CACNA2D2: variants seen among roughly 807,000 people sequenced by gnomAD.
CACNA2D2 encodes voltage-dependent calcium channel subunit alpha-2/delta-2.
A neutral mutation model predicts 166.4 loss-of-function variants in CACNA2D2; 48 were observed. The observed-to-expected ratio is 0.29, with a 90% CI of 0.23 to 0.37. CACNA2D2 has a LOEUF of 0.37. CACNA2D2 is among the 10% of genes least tolerant of loss of function. CACNA2D2 has a pLI of 1.00. For synonymous variants in CACNA2D2, 561 were observed against 573.7 expected (o/e 0.98, Z 0.32); for missense variants, 1,122 against 1,433.0 (o/e 0.78, Z 3.50).
At chr3:50,438,507 T>C (rs1708448457) in intron 2 of CACNA2D2, among the ~76,000 whole-genome samples, 1 of 152,100 alleles carries the variant, frequency 6.6e-6, no homozygotes, top group Admixed American at 6.5e-5. Context: ...TCCGTGTAAG[T>C]GGGAGGCGAG....
At chr3:50,396,550 C>T (rs1706164354) in intron 3 of CACNA2D2, among the ~76,000 whole-genome samples, 1 of 152,168 alleles carries the variant, frequency 6.6e-6, no homozygotes, top group African/African-American at 2.4e-5. Context: ...ACCCCAAACC[C>T]AGGGATGGAT....
chr3:50,439,262 G>A (rs1168355957), intron 2 of CACNA2D2, among the ~76,000 whole-genome samples: 2 of 152,216 alleles, frequency 1.3e-5, no homozygotes, highest in Non-Finnish European at 2.9e-5. Context: ...CATGCTGGAG[G>A]GGAATGAGGG....
chr3:50,488,981 T>C (rs976454413), intron 1 of CACNA2D2, among the ~76,000 whole-genome samples: 1 of 152,190 alleles, frequency 6.6e-6, no homozygotes, highest in Non-Finnish European at 1.5e-5. Flanking sequence ...ATTATAGGCA[T>C]GAGCCACCGC....
At chr3:50,474,246 A>T (rs1259960868) in intron 2 of CACNA2D2, among the ~76,000 whole-genome samples, 1 of 152,202 alleles carries the variant, frequency 6.6e-6, no homozygotes, top group Non-Finnish European at 1.5e-5. Context: ...AAGTCCCATG[A>T]GAAAGGAAGG....
chr3:50,399,197 C>T (rs1435305856), intron 3 of CACNA2D2, among the ~76,000 whole-genome samples: 1 of 152,228 alleles, frequency 6.6e-6, no homozygotes, highest in African/African-American at 2.4e-5. Context: ...TCTCCTTGGC[C>T]TCCTCTCCTC....
intron 22 of CACNA2D2, among the ~76,000 whole-genome samples, chr3:50,372,535 C>T (rs1054983026): frequency 3.3e-5 from 5 of 152,114 alleles, no homozygotes; most frequent in African/African-American, 1.2e-4. Flanking sequence ...GCTTCTGAGC[C>T]TTCTGCCTCC....
At position 50,365,519 on chromosome 3, in the gene CACNA2D2, A is replaced by G. The variant is rs1194124091; in HGVS notation, c.2972-37T>C. 15 of 1,606,564 alleles carry G rather than the reference A, an allele frequency of 9.3e-6. No homozygotes were observed. The highest frequency in any genetic ancestry group is 1.2e-5 in the Non-Finnish European group (14 of 1,176,752). On this transcript the variant is annotated intron_variant, in intron 34 of 37. Transcript: ENST00000424201. The surrounding 1 kb of genome is among the most constrained non-coding windows in gnomAD (Gnocchi z 4.5). ...CAGAGCGCCTCAGCTCCGCCCACAG[A>G]CCCTGGCAAGGTCTCCGGCCTCCCT... is the stretch of plus-strand genomic sequence containing the variant.
intron 2 of CACNA2D2, among the ~76,000 whole-genome samples, chr3:50,445,653 C>T (rs1362836834): frequency 6.6e-6 from 1 of 152,190 alleles, no homozygotes; most frequent in East Asian, 1.9e-4. Context: ...ATGCTGAGGA[C>T]AGGTGCACAT....
At chr3:50,370,214 A>G (rs1023772859) in intron 23 of CACNA2D2, 106 bp downstream of exon 23, 1 of 778,644 alleles carries the variant, frequency 1.3e-6, no homozygotes. Flanking sequence ...GGGGGATGAC[A>G]CTGCACAGGA....
In CACNA2D2 at chr3:50,442,024, C is replaced by T. The variant is rs555397745; in HGVS notation, c.289-7595G>A. ...GGACTCACCCATCATTAGCAAGCAC[C>T]GTGGCTGGATTCCAGGCTGCCATCG... On this transcript the variant is annotated intron_variant, in intron 2 of 37. Coordinates refer to ENST00000424201, the MANE Select transcript of CACNA2D2 (RefSeq NM_006030.4). Among the ~76,000 whole-genome samples the T allele has an allele frequency of 3.9e-5, 6 of 152,340 alleles. 1 individual carries two copies. The East Asian group carries it at 5.8e-4, about 15-fold the overall frequency.
At position 50,452,570 on chromosome 3, in the gene CACNA2D2, A is replaced by G. The variant is rs116653549; in HGVS notation, c.289-18141T>C. Among the ~76,000 whole-genome samples the G allele has an allele frequency of 6.4e-3, 980 of 152,326 alleles. 4 individuals are homozygous for G. The highest frequency in any genetic ancestry group is 0.011 in the Non-Finnish European group (730 of 68,016). On this transcript the variant is annotated intron_variant, in intron 2 of 37. Coordinates refer to ENST00000424201, the MANE Select transcript of CACNA2D2 (RefSeq NM_006030.4). ...CTCAGGTGTCAGACAGGCTCAGGGAAGTGTAATTATAAGAACTATGGAATG... is the reference window on the plus strand; with the variant it reads ...CTCAGGTGTCAGACAGGCTCAGGGAGGTGTAATTATAAGAACTATGGAATG...
intron 5 of CACNA2D2, 71 bp downstream of exon 5, chr3:50,387,497 C>A: frequency 7.7e-7 from 1 of 1,291,190 alleles, no homozygotes; most frequent in South Asian, 1.2e-5. Context: ...GGCGCTGAGT[C>A]CTAACATCCA....
intron 3 of CACNA2D2, among the ~76,000 whole-genome samples, chr3:50,408,127 G>A (rs376213808): frequency 6.6e-6 from 1 of 152,298 alleles, no homozygotes; most frequent in South Asian, 2.1e-4. Context: ...GGCTCAGAGA[G>A]GGTGACTCAC....
intron 2 of CACNA2D2, among the ~76,000 whole-genome samples, chr3:50,443,707 CGCTGCCTT>C (rs1342472458): frequency 1.3e-5 from 2 of 152,238 alleles, no homozygotes; most frequent in African/African-American, 4.8e-5. Context: ...AGAGTTGGGC[CGCTGCCTT>C]GCCATCTGGC....
intron 1 of CACNA2D2, among the ~76,000 whole-genome samples, chr3:50,497,541 G>A (rs1395441486): frequency 6.6e-6 from 1 of 152,204 alleles, no homozygotes; most frequent in African/African-American, 2.4e-5. Flanking sequence ...CACTGTGAGG[G>A]CCCAGGTGAG....
chr3:50,371,345 C>CAT (rs1451168309), intron 22 of CACNA2D2, among the ~76,000 whole-genome samples: 2 of 144,408 alleles, frequency 1.4e-5, no homozygotes, highest in South Asian at 2.2e-4. Flanking sequence ...AGTGAGCATG[C>CAT]ATGTGTGTGT....
chr3:50,389,303 AC>A (rs1705770672), intron 4 of CACNA2D2, among the ~76,000 whole-genome samples: 1 of 152,260 alleles, frequency 6.6e-6, no homozygotes, highest in Non-Finnish European at 1.5e-5. Flanking sequence ...GAACACACAA[AC>A]CTATTAAACT....
Position 50,502,302 on chromosome 3 carries a change from C to T in CACNA2D2, c.206+916G>A, listed in dbSNP as rs1179346666. Among the ~76,000 whole-genome samples the T allele has an allele frequency of 4.6e-5, 7 of 152,194 alleles. No homozygotes were observed. The East Asian group carries it at 1.2e-3, about 25-fold the overall frequency. ...CAGATAACAGAAGCAAGGTGGTCAC[C>T]GTGCCCCAAAGGGGGTCTGGGCACT... On this transcript the variant is annotated intron_variant, in intron 1 of 37. Transcript: ENST00000424201.
intron 2 of CACNA2D2, among the ~76,000 whole-genome samples, chr3:50,470,145 G>A (rs1014723631): frequency 1.3e-5 from 2 of 152,212 alleles, no homozygotes; most frequent in Non-Finnish European, 2.9e-5. Context: ...CAGGACTCTA[G>A]GAGCCAGGGG....
Sources: allele counts gnomAD v4.1 joint callset (sites outside exome capture counted in the v4.1 genomes callset), GRCh38; gene constraint gnomAD v4.1.1; non-coding constraint Gnocchi (gnomAD v3.1); transcripts MANE v1.5; gene names NCBI Gene and HGNC (gene_info 2026-07-23, HGNC 2026-07-21).